RAB3C: variants seen among roughly 807,000 people sequenced by gnomAD.
RAB3C encodes the protein RAB3C, member RAS oncogene family, also known as ras-related protein Rab-3C.
In RAB3C, 17 loss-of-function variants were observed where a neutral mutation model predicts 26.4. The observed-to-expected ratio is 0.64, with a 90% CI of 0.44 to 0.97. RAB3C has a LOEUF of 0.97. RAB3C is among the 50% of genes least tolerant of loss of function. The probability of loss-of-function intolerance (pLI) is 0.00; values close to 1 mark genes in which losing one functional copy is unlikely to be tolerated. For synonymous variants in RAB3C, 91 were observed against 95.9 expected (o/e 0.95, Z 0.30); for missense variants, 242 against 281.9 (o/e 0.86, Z 1.01).
chr5:58,848,589 G>T (rs1441883071), intron 4 of RAB3C: 1 of 152,104 alleles, frequency 6.6e-6, no homozygotes, highest in Non-Finnish European at 1.5e-5. Flanking sequence ...TGGATAAAAT[G>T]AGTTAAAATG....
At chr5:58,752,579 A>C (rs1471281080) in intron 3 of RAB3C, among the ~76,000 whole-genome samples, 4 of 152,078 alleles carry the variant, frequency 2.6e-5, no homozygotes, top group Non-Finnish European at 5.9e-5. Flanking sequence ...ATTATCAGTG[A>C]TTTGAGTCAA....
intron 3 of RAB3C, among the ~76,000 whole-genome samples, chr5:58,777,492 C>A (rs180864123): frequency 5.4e-4 from 82 of 151,956 alleles, no homozygotes; most frequent in African/African-American, 1.5e-3. Context: ...ATGTCCATAG[C>A]AGTTCATATA....
intron 2 of RAB3C, among the ~76,000 whole-genome samples, chr5:58,679,615 G>A (rs947448844): frequency 6.6e-6 from 1 of 152,116 alleles, no homozygotes; most frequent in Non-Finnish European, 1.5e-5. Context: ...ACCAAAGGCA[G>A]TTTTGTTGTT....
At chr5:58,798,908 C>CA (rs1344300414) in intron 3 of RAB3C, among the ~76,000 whole-genome samples, 1 of 152,176 alleles carries the variant, frequency 6.6e-6, no homozygotes, top group Non-Finnish European at 1.5e-5. Flanking sequence ...CTAGCTTGGA[C>CA]TATCCAAAAA....
At chr5:58,625,296 CAG>C (rs1329764156) in intron 2 of RAB3C, among the ~76,000 whole-genome samples, 4 of 152,130 alleles carry the variant, frequency 2.6e-5, no homozygotes, top group African/African-American at 7.2e-5. Context: ...AACCAAGACT[CAG>C]AGAGTTTAAA....
intron 2 of RAB3C, among the ~76,000 whole-genome samples, chr5:58,682,951 A>G (rs1033393546): frequency 2.0e-5 from 3 of 152,176 alleles, no homozygotes; most frequent in Non-Finnish European, 4.4e-5. Flanking sequence ...TTAGCTCTAT[A>G]GTGTTCTGTA....
intron 2 of RAB3C, among the ~76,000 whole-genome samples, chr5:58,717,995 G>A (rs1204324012): frequency 6.6e-6 from 1 of 152,054 alleles, no homozygotes; most frequent in Non-Finnish European, 1.5e-5. Flanking sequence ...CCATTCAAAA[G>A]CCTGTTATCC....
In RAB3C at chr5:58,638,209, T is replaced by C. The variant is rs577307646; in HGVS notation, c.252+20339T>C. Among the ~76,000 whole-genome samples, 102 of 152,286 alleles carry C rather than the reference T, an allele frequency of 6.7e-4. 1 individual carries two copies. The highest frequency in any genetic ancestry group is 1.4e-3 in the Non-Finnish European group (92 of 68,000). On this transcript the variant is annotated intron_variant, in intron 2 of 4. Coordinates refer to ENST00000282878, the MANE Select transcript of RAB3C (RefSeq NM_138453.4). ...AACCCTGCAATGCTTGTCATAATTA[T>C]TCTTTTGATTGCCAGTTTTGAATTC...
intron 3 of RAB3C, chr5:58,794,632 T>A (rs1742603019): frequency 6.6e-6 from 1 of 152,198 alleles, no homozygotes; most frequent in South Asian, 2.1e-4. Flanking sequence ...TTTTTAATTA[T>A]TTATTAAAAA....
chr5:58,595,773 A>G (rs903699686), intron 1 of RAB3C, among the ~76,000 whole-genome samples: 5 of 152,142 alleles, frequency 3.3e-5, no homozygotes, highest in African/African-American at 1.2e-4. Flanking sequence ...GAGAACAGGT[A>G]TTTGAAAACA....
chr5:58,617,268 A>G (rs546839965), intron 1 of RAB3C, among the ~76,000 whole-genome samples: 2 of 152,178 alleles, frequency 1.3e-5, no homozygotes, highest in Non-Finnish European at 2.9e-5. Context: ...CTGTTCAGCC[A>G]CTTTGGTGTC....
intron 2 of RAB3C, among the ~76,000 whole-genome samples, chr5:58,682,806 A>C (rs750891550): frequency 2.0e-5 from 3 of 152,214 alleles, no homozygotes; most frequent in African/African-American, 2.4e-5. Flanking sequence ...AGAGCATCTG[A>C]AATTATTCCA....
intron 2 of RAB3C, among the ~76,000 whole-genome samples, chr5:58,642,706 C>T (rs1193215671): frequency 2.6e-5 from 4 of 152,178 alleles, no homozygotes; most frequent in African/African-American, 9.7e-5. Context: ...TTTTTAAAGT[C>T]ATATATGTAT....
rs79366048 is a variant in RAB3C at position 58,654,400 on chromosome 5, A to G, written c.252+36530A>G. ...CAAAACAATTTTACTTTACCCTACA[A>G]GATTCAAATCCAACTTCTCAACTAG... On this transcript the variant is annotated intron_variant, in intron 2 of 4. Coordinates refer to ENST00000282878, the MANE Select transcript of RAB3C (RefSeq NM_138453.4). Among the ~76,000 whole-genome samples the G allele has an allele frequency of 6.5e-3, 984 of 152,322 alleles. 60 individuals carry two copies. The East Asian group carries it at 0.16, about 25-fold the overall frequency.
intron 2 of RAB3C, among the ~76,000 whole-genome samples, chr5:58,690,272 AT>A (rs768556237): frequency 6.6e-6 from 1 of 152,174 alleles, no homozygotes; most frequent in Non-Finnish European, 1.5e-5. Flanking sequence ...TGGTAACTGA[AT>A]TCATTCCTGT....
chr5:58,679,817 G>A (rs1368659302), intron 2 of RAB3C, among the ~76,000 whole-genome samples: 1 of 152,160 alleles, frequency 6.6e-6, no homozygotes, highest in African/African-American at 2.4e-5. Flanking sequence ...TCTTTGCACG[G>A]TAAAATAAGC....
At chr5:58,616,602 C>G (rs1331957309) in intron 1 of RAB3C, among the ~76,000 whole-genome samples, 2 of 152,264 alleles carry the variant, frequency 1.3e-5, no homozygotes, top group East Asian at 3.9e-4. Context: ...AGACCATTTT[C>G]TATTTTATGC....
chr5:58,639,677 G>A (rs1484314559), intron 2 of RAB3C, among the ~76,000 whole-genome samples: 1 of 152,020 alleles, frequency 6.6e-6, no homozygotes, highest in African/African-American at 2.4e-5. Context: ...ATGAATTTTG[G>A]GAGAACACAA....
intron 3 of RAB3C, among the ~76,000 whole-genome samples, chr5:58,787,888 C>T (rs973292181): frequency 1.3e-5 from 2 of 152,188 alleles, no homozygotes; most frequent in East Asian, 3.9e-4. Context: ...CGGAACACTC[C>T]CCTCCCTCCA....
Sources: allele counts gnomAD v4.1 joint callset (sites outside exome capture counted in the v4.1 genomes callset), GRCh38; gene constraint gnomAD v4.1.1; transcripts MANE v1.5; gene names NCBI Gene and HGNC (gene_info 2026-07-23, HGNC 2026-07-21).